CRYBA4: variants seen among roughly 807,000 people sequenced by gnomAD.
CRYBA4 encodes crystallin beta A4, also known as beta-crystallin A4.
A neutral mutation model predicts 31.7 loss-of-function variants in CRYBA4; 30 were observed. The ratio of observed to expected loss-of-function variants is 0.95; its 90% CI spans 0.71 to 1.28. The LOEUF is 1.28. Among genes scored for constraint, CRYBA4 ranks in the 50% most tolerant of loss-of-function variants. The probability of loss-of-function intolerance (pLI) is 0.00; values close to 1 mark genes in which losing one functional copy is unlikely to be tolerated. For synonymous variants in CRYBA4, 102 were observed against 102.3 expected (o/e 1.00, Z 0.02); for missense variants, 225 against 260.7 (o/e 0.86, Z 0.94).
chr22:26,617,904 C>T, upstream of CRYBA4: 1 of 153,598 alleles, frequency 6.5e-6, no homozygotes, highest in Non-Finnish European at 1.5e-5. Flanking sequence ...GCTATCTCTG[C>T]CTCCCTCTCT....
At chr22:26,628,698 C>A (rs148703540) in intron 5 of CRYBA4, among the ~76,000 whole-genome samples, 2 of 152,186 alleles carry the variant, frequency 1.3e-5, no homozygotes, top group South Asian at 2.1e-4. Context: ...TCTCTCCCCC[C>A]ACAACCCCCA....
the CRYBA4 span, among the ~76,000 whole-genome samples, chr22:26,607,277 C>T: frequency 6.6e-6 from 1 of 152,146 alleles, no homozygotes; most frequent in Admixed American, 6.5e-5. Flanking sequence ...CCACCTCAGC[C>T]TCCCAAAGTG....
chr22:26,592,797 A>G, the CRYBA4 span, among the ~76,000 whole-genome samples: 2 of 152,190 alleles, frequency 1.3e-5, no homozygotes, highest in African/African-American at 4.8e-5. Flanking sequence ...ACTGGTTTGG[A>G]GGGTGTTGAA....
chr22:26,616,027 A>C, the CRYBA4 span: 1 of 843,132 alleles, frequency 1.2e-6, no homozygotes, highest in African/African-American at 1.7e-5. Flanking sequence ...AGGAGGAGAA[A>C]GAGGTGCGGA....
In CRYBA4 at chr22:26,630,538, G is replaced by A. The variant is rs374796179; in HGVS notation, c.*51G>A. The A allele has an allele frequency of 4.2e-5, 64 of 1,523,628 alleles. No homozygotes were observed. The highest frequency in any genetic ancestry group is 1.1e-4 in the Admixed American group (6 of 56,710). The allele number at this position is 1,523,628 out of a possible 1,614,324, so 94.4% of individuals were successfully genotyped here. On this transcript the variant is annotated 3_prime_UTR_variant, in exon 6 of 6. Coordinates refer to ENST00000354760, the MANE Select transcript of CRYBA4 (RefSeq NM_001886.3). The stretch of plus-strand genomic sequence containing the variant: ...ATGCGTGCTTATCTGCAATGGAGGC[G>A]CTCTGGAGGCTGTGGTGTGTTCTCT...
intron 4 of CRYBA4, among the ~76,000 whole-genome samples, chr22:26,627,996 G>T (rs1452678196): frequency 3.3e-5 from 5 of 152,080 alleles, no homozygotes; most frequent in African/African-American, 1.2e-4. Flanking sequence ...CTTACCACTG[G>T]ATCCCCAATT....
chr22:26,607,753 C>A, the CRYBA4 span: 1 of 1,159,438 alleles, frequency 8.6e-7, no homozygotes, highest in Non-Finnish European at 1.3e-6. Flanking sequence ...CAAGAATCCA[C>A]GGTCCTTTGA....
In CRYBA4 at chr22:26,630,440, C is replaced by A. The variant is rs912576487; in HGVS notation, c.544C>A (p.His182Asn). The A allele has an allele frequency of 6.2e-7, 1 of 1,613,678 alleles. No homozygotes were observed. Among genetic ancestry groups the A allele is most frequent in the African/African-American group, 1.3e-5 (1 of 74,958 alleles). The change falls in exon 6 of 6, where the codon CAT becomes AAT. Residue 182 changes from histidine to asparagine, a missense_variant. Physicochemically the swap from His to Asn is moderately conservative, Grantham distance 68. Coordinates refer to ENST00000354760, the MANE Select transcript of CRYBA4 (RefSeq NM_001886.3). The part of the protein sequence containing the change: ...DYKHFREWGS[H>N]APTFQVQSIR... ...CAAACATTTCCGGGAGTGGGGCTCT[C>A]ATGCCCCGACCTTCCAGGTGCAGAG...
At chr22:26,615,662 C>T in the CRYBA4 span, among the ~76,000 whole-genome samples, 1 of 152,048 alleles carries the variant, frequency 6.6e-6, no homozygotes, top group Non-Finnish European at 1.5e-5. Context: ...TACAGGCGCC[C>T]ACCACTACGC....
At chr22:26,604,814 G>T in the CRYBA4 span, among the ~76,000 whole-genome samples, 1 of 152,200 alleles carries the variant, frequency 6.6e-6, no homozygotes, top group Non-Finnish European at 1.5e-5. Flanking sequence ...GTACAACAAT[G>T]ATTACTTATT....
chr22:26,593,135 C>T, the CRYBA4 span, among the ~76,000 whole-genome samples: 1,117 of 152,286 alleles, frequency 7.3e-3, 4 homozygotes, highest in Non-Finnish European at 0.012. Flanking sequence ...CATCTTCAGC[C>T]GGGAACACCT....
upstream of CRYBA4, chr22:26,621,899 G>A: frequency 1.1e-6 from 1 of 893,626 alleles, no homozygotes; most frequent in South Asian, 5.1e-5. Context: ...TCGGGGCTTT[G>A]TCTCCCAGGG....
the CRYBA4 span, among the ~76,000 whole-genome samples, chr22:26,596,018 C>T: frequency 1.3e-5 from 2 of 152,202 alleles, no homozygotes; most frequent in South Asian, 4.1e-4. Flanking sequence ...GTGATCCTCC[C>T]ACCTTAGCCT....
At chr22:26,629,232 C>T (rs1929845992) in intron 5 of CRYBA4, among the ~76,000 whole-genome samples, 1 of 151,794 alleles carries the variant, frequency 6.6e-6, no homozygotes, top group African/African-American at 2.4e-5. Flanking sequence ...TGCCCCTTGG[C>T]TCCTGGTAGG....
chr22:26,616,153 G>A, the CRYBA4 span: 1 of 1,614,168 alleles, frequency 6.2e-7, no homozygotes, highest in South Asian at 1.1e-5. Flanking sequence ...GTAGTTCCCA[G>A]GAGGCAGTTC....
chr22:26,605,137 T>C, the CRYBA4 span, among the ~76,000 whole-genome samples: 2 of 152,212 alleles, frequency 1.3e-5, no homozygotes, highest in South Asian at 4.1e-4. Flanking sequence ...CTGGCTTCCC[T>C]GATGACCCCC....
the CRYBA4 span, among the ~76,000 whole-genome samples, chr22:26,607,596 A>G: frequency 1.3e-5 from 2 of 151,156 alleles, no homozygotes; most frequent in Non-Finnish European, 2.9e-5. Flanking sequence ...AGTAAGGTCT[A>G]AATGTGCAGC....
At position 26,628,394 on chromosome 22, in the gene CRYBA4, G is replaced by A; in HGVS notation, c.407G>A (p.Gly136Asp). 1.2e-6 allele frequency: 2 copies of A among 1,614,092 alleles called. No individual in the cohort carries two copies. The highest frequency in any genetic ancestry group is 2.7e-5 in the African/African-American group (2 of 75,018). Residue 136 changes from glycine (G) to aspartate (D), a missense_variant, in exon 5 of 6, where the codon GGC (glycine) becomes GAC (aspartate). Coordinates refer to ENST00000354760, the MANE Select transcript of CRYBA4 (RefSeq NM_001886.3). ...YPSLQAMGWE[G>D]NEVGSFHVHS... ...TCCCTCCAGGCCATGGGATGGGAAGGCAATGAAGTAGGGTCCTTCCACGTC... is the reference window on the plus strand; with the variant it reads ...TCCCTCCAGGCCATGGGATGGGAAGACAATGAAGTAGGGTCCTTCCACGTC...
chr22:26,612,472 C>T, the CRYBA4 span, among the ~76,000 whole-genome samples: 1 of 152,198 alleles, frequency 6.6e-6, no homozygotes, highest in South Asian at 2.1e-4. Context: ...AAGCGATCCT[C>T]CCACCTCAGC....
Sources: gnomAD v4.1 joint callset for allele counts (sites outside exome capture counted in the v4.1 genomes callset) on GRCh38, gnomAD v4.1.1 for gene constraint, MANE v1.5 for transcripts, NCBI Gene and HGNC (gene_info 2026-07-23, HGNC 2026-07-21) for gene names.